PLCZ1: variants seen among roughly 807,000 people sequenced by gnomAD.
PLCZ1 encodes phospholipase C zeta 1.
In PLCZ1, 64 loss-of-function variants were observed where a neutral mutation model predicts 76.8. That is an observed-to-expected ratio of 0.83 (90% CI 0.68 to 1.03). The LOEUF (loss-of-function observed/expected upper bound fraction) is 1.03. PLCZ1 is among the 50% of genes least tolerant of loss of function. PLCZ1 has a pLI of 0.00. For synonymous variants in PLCZ1, 248 were observed against 230.8 expected, an observed-to-expected ratio of 1.07 and a Z score of -0.68; for missense variants, 751 against 713.7, an observed-to-expected ratio of 1.05 and a Z score of -0.60.
the PLCZ1 span, among the ~76,000 whole-genome samples, chr12:18,662,005 C>T: frequency 2.6e-5 from 4 of 152,204 alleles, no homozygotes; most frequent in East Asian, 7.7e-4. Context: ...TCCCATTATC[C>T]TAAGTGAACT....
chr12:18,696,411 A>G, intron 10 of PLCZ1, 145 bp from the exon 11 acceptor site: 1 of 210,658 alleles, frequency 4.7e-6, no homozygotes, highest in Non-Finnish European at 8.4e-6. Context: ...AAAAATTTGC[A>G]ATTCATGAAT....
the PLCZ1 span, among the ~76,000 whole-genome samples, chr12:18,660,043 T>C: frequency 6.6e-6 from 1 of 152,078 alleles, no homozygotes; most frequent in African/African-American, 2.4e-5. Flanking sequence ...GCACCAAAAA[T>C]TTATCTCCCC....
intron 4 of PLCZ1, among the ~76,000 whole-genome samples, chr12:18,722,180 G>T (rs1958480978): frequency 6.9e-6 from 1 of 145,864 alleles, no homozygotes; most frequent in Non-Finnish European, 1.5e-5. Context: ...CACCCAACCT[G>T]AACTAGGCCT....
intron 3 of PLCZ1, among the ~76,000 whole-genome samples, chr12:18,727,746 T>C (rs1958833506): frequency 6.6e-6 from 1 of 152,192 alleles, no homozygotes; most frequent in Non-Finnish European, 1.5e-5. Context: ...ATTTTCGTTC[T>C]AGAAAGATTA....
intron 13 of PLCZ1, among the ~76,000 whole-genome samples, chr12:18,686,037 C>G (rs1399092364): frequency 6.6e-6 from 1 of 152,010 alleles, no homozygotes; most frequent in Admixed American, 6.6e-5. Flanking sequence ...TCCTTTTCCT[C>G]CCAGACTCTC....
chr12:18,650,674 G>GTC, the PLCZ1 span, among the ~76,000 whole-genome samples: 1 of 30,712 alleles, frequency 3.3e-5, no homozygotes, highest in Non-Finnish European at 5.2e-5. Flanking sequence ...ATGTGTGTGT[G>GTC]TGTGTGTGTG....
In PLCZ1 at chr12:18,684,169, G is replaced by T. The variant is rs1952745754; in HGVS notation, c.1702C>A (p.Leu568Ile). ...AGAAGTGGCAAAGTATATTGCCCAA[G>T]AAATTCATTTCCTGCTATTAAACCT... The part of the protein sequence containing the change: ...GQGLIAGNEF[L>I]GQYTLPLLCM... The change falls in exon 14 of 15, where the codon CTT becomes ATT. Residue 568 changes from leucine (L) to isoleucine (I), a missense_variant. Leu to Ile is a conservative substitution (Grantham distance 5, BLOSUM62 2). Coordinates refer to ENST00000266505, the MANE Select transcript of PLCZ1 (RefSeq NM_033123.4). 1.2e-6 allele frequency: 2 copies of T among 1,612,038 alleles called. No homozygotes were observed. The highest frequency in any genetic ancestry group is 1.7e-6 in the Non-Finnish European group (2 of 1,178,834).
the PLCZ1 span, among the ~76,000 whole-genome samples, chr12:18,659,663 C>CTTTTTT: frequency 7.5e-6 from 1 of 133,822 alleles, no homozygotes; most frequent in Non-Finnish European, 1.6e-5. Flanking sequence ...GTTCTCCATT[C>CTTTTTT]TTTTTTTTTT....
intron 12 of PLCZ1, among the ~76,000 whole-genome samples, chr12:18,688,852 A>C (rs992916284): frequency 6.6e-5 from 10 of 152,130 alleles, no homozygotes; most frequent in Admixed American, 2.0e-4. Context: ...AAGAGATAGA[A>C]GATATAAGCC....
At position 18,719,522 on chromosome 12, in the gene PLCZ1, G is replaced by T. The variant is rs1958312902; in HGVS notation, c.478C>A (p.Pro160Thr). Residue 160 changes from proline (P) to threonine (T), a missense_variant, in exon 5 of 15, where the codon CCA becomes ACA. Pro to Thr is a conservative substitution (Grantham distance 38). Transcript: ENST00000266505. ...CRKVYQDMTH[P>T]LNDYFISSSH... Reference sequence around the variant, plus strand: ...GATGAAATAAAATAATCATTTAATGGATGAGTCATATCTTGATAAACTTTT... The same window carrying T: ...GATGAAATAAAATAATCATTTAATGTATGAGTCATATCTTGATAAACTTTT... 3.2e-6 allele frequency: 5 copies of T among 1,585,152 alleles called. No individual in the cohort carries two copies. Among genetic ancestry groups the T allele is most frequent in the Non-Finnish European group, 4.3e-6 (5 of 1,161,476 alleles).
intron 7 of PLCZ1, 130 bp from the exon 8 acceptor site, chr12:18,701,906 T>TC: frequency 7.6e-7 from 1 of 1,319,670 alleles, no homozygotes; most frequent in Non-Finnish European, 1.0e-6. Context: ...CTCCATTTTT[T>TC]CCCATACCCC....
chr12:18,714,871 G>C (rs1390867462), intron 5 of PLCZ1: 1 of 151,976 alleles, frequency 6.6e-6, no homozygotes, highest in Non-Finnish European at 1.5e-5. Context: ...AAAATGAAAA[G>C]TTTGAGAAAC....
chr12:18,665,151 G>A, the PLCZ1 span, among the ~76,000 whole-genome samples: 3 of 150,814 alleles, frequency 2.0e-5, no homozygotes, highest in East Asian at 1.9e-4. Context: ...AAAACTTAAA[G>A]CATAATAATA....
intron 12 of PLCZ1, among the ~76,000 whole-genome samples, chr12:18,688,991 G>A (rs943553385): frequency 6.7e-6 from 1 of 149,886 alleles, no homozygotes; most frequent in South Asian, 2.1e-4. Flanking sequence ...AGGAGGGAGA[G>A]AAGGAGTAGA....
At chr12:18,713,107 C>G in intron 5 of PLCZ1, 121 bp from the exon 6 acceptor site, 1 of 1,336,228 alleles carries the variant, frequency 7.5e-7, no homozygotes, top group Middle Eastern at 2.1e-4. Flanking sequence ...GTCCATAAAA[C>G]TCTATAAAAA....
At chr12:18,701,146 G>A (rs1225684762) in intron 9 of PLCZ1, among the ~76,000 whole-genome samples, 1 of 151,784 alleles carries the variant, frequency 6.6e-6, no homozygotes, top group Non-Finnish European at 1.5e-5. Flanking sequence ...CACCATGCCC[G>A]GCTAATTTTT....
At chr12:18,692,923 T>C in intron 12 of PLCZ1, 1 of 1,578,824 alleles carries the variant, frequency 6.3e-7, no homozygotes, top group Non-Finnish European at 8.7e-7. Flanking sequence ...GCCAGCAAAC[T>C]GCCACTGGTG....
the PLCZ1 span, among the ~76,000 whole-genome samples, chr12:18,659,320 T>G: frequency 6.6e-6 from 1 of 152,088 alleles, no homozygotes; most frequent in Non-Finnish European, 1.5e-5. Flanking sequence ...ACAAAAGTAG[T>G]CAGACAAAAT....
intron 12 of PLCZ1, chr12:18,693,527 G>T (rs894509557): frequency 6.2e-7 from 1 of 1,611,790 alleles, no homozygotes; most frequent in Admixed American, 1.7e-5. Context: ...CTTGAGAGTG[G>T]TTGGCTCTGA....
Sources: gnomAD v4.1 joint callset for allele counts (sites outside exome capture counted in the v4.1 genomes callset) on GRCh38, gnomAD v4.1.1 for gene constraint, MANE v1.5 for transcripts, NCBI Gene and HGNC (gene_info 2026-07-23, HGNC 2026-07-21) for gene names.